The following ST6GAL1 variants were observed in gnomAD, a reference collection of about 807,000 sequenced individuals.
ST6GAL1 encodes the protein beta-galactoside alpha-2,6-sialyltransferase 1.
A neutral mutation model predicts 38.0 loss-of-function variants in ST6GAL1; 20 were observed. The observed-to-expected ratio is 0.53, with a 90% confidence interval of 0.37 to 0.77. ST6GAL1 has a LOEUF of 0.77. ST6GAL1 is among the 30% of genes least tolerant of loss of function. The pLI is 0.00. For synonymous variants in ST6GAL1, 196 were observed against 188.2 expected, an observed-to-expected ratio of 1.04 and a Z score of -0.34; for missense variants, 432 against 496.4, an observed-to-expected ratio of 0.87 and a Z score of 1.23.
At chr3:186,956,428 T>C (rs1714752625) in intron 1 of ST6GAL1, among the ~76,000 whole-genome samples, 1 of 152,114 alleles carries the variant, frequency 6.6e-6, no homozygotes, top group Non-Finnish European at 1.5e-5. Flanking sequence ...AGGAACATGC[T>C]CAGTTTTAAG....
intron 2 of ST6GAL1, among the ~76,000 whole-genome samples, chr3:186,999,272 G>C (rs1716529863): frequency 1.3e-5 from 2 of 152,236 alleles, no homozygotes; most frequent in South Asian, 4.1e-4. Flanking sequence ...AGGTGATAAT[G>C]CATAGGAACA....
chr3:187,003,021 G>A (rs555636428), intron 2 of ST6GAL1, among the ~76,000 whole-genome samples: 1 of 152,340 alleles, frequency 6.6e-6, no homozygotes, highest in South Asian at 2.1e-4. Context: ...GACTGGCAAG[G>A]TGGAGGCCCA....
intron 5 of ST6GAL1, among the ~76,000 whole-genome samples, chr3:187,070,424 C>A (rs1719321992): frequency 1.0e-5 from 1 of 99,124 alleles, no homozygotes; most frequent in Non-Finnish European, 1.9e-5. Context: ...AACACTTGCT[C>A]TTTTTTTTTT....
At position 187,045,290 on chromosome 3, in the gene ST6GAL1, CT is replaced by C. The variant is rs4012167; in HGVS notation, c.607+1992del. 1.5e-3 allele frequency among the ~76,000 whole-genome samples: 220 copies of C among 146,636 alleles called. 1 individual carries two copies. The highest frequency in any genetic ancestry group is 2.1e-3 in the African/African-American group (85 of 40,190). On this transcript the variant is annotated intron_variant, in intron 4 of 7. Transcript: ENST00000169298. The stretch of plus-strand genomic sequence containing the variant: ...GACACGAGTAAGAGACATTTTATGA[CT>C]TTTTTTTTTTTGTCCATAGCAAGAT...
At chr3:186,948,500 G>A (rs1714456070) in intron 1 of ST6GAL1, among the ~76,000 whole-genome samples, 1 of 151,596 alleles carries the variant, frequency 6.6e-6, no homozygotes, top group African/African-American at 2.4e-5. Flanking sequence ...GCTGGGGCCT[G>A]GTATGCTCTT....
intron 2 of ST6GAL1, among the ~76,000 whole-genome samples, chr3:187,024,328 C>T (rs533819063): frequency 2.6e-4 from 39 of 151,458 alleles, no homozygotes; most frequent in Non-Finnish European, 2.5e-4. Flanking sequence ...CTCCTGACCT[C>T]GTGATCTGCC....
intron 2 of ST6GAL1, among the ~76,000 whole-genome samples, chr3:187,025,883 C>T (rs949385937): frequency 6.6e-5 from 10 of 152,162 alleles, no homozygotes; most frequent in Admixed American, 5.9e-4. Flanking sequence ...GGGAAATGTA[C>T]TCAGGGAAAT....
chr3:187,021,522 C>T lies in ST6GAL1; in HGVS notation c.-182-17220C>T, dbSNP rs572968371. Among the ~76,000 whole-genome samples the T allele has an allele frequency of 4.6e-5, 7 of 151,852 alleles. No homozygotes were observed. In the South Asian group the frequency reaches 8.3e-4, roughly 18 times the overall value. On this transcript the variant is annotated intron_variant, in intron 2 of 7. Coordinates refer to ENST00000169298, the MANE Select transcript of ST6GAL1 (RefSeq NM_173216.2). ...TGGGAGGCCGAGGTGGGTGGATCACCTGAAGTCAGGAGTTCGAGACCAGCC... is the reference window on the plus strand; with the variant it reads ...TGGGAGGCCGAGGTGGGTGGATCACTTGAAGTCAGGAGTTCGAGACCAGCC...
At chr3:187,030,352 G>A (rs1330122343) in intron 2 of ST6GAL1, among the ~76,000 whole-genome samples, 1 of 152,178 alleles carries the variant, frequency 6.6e-6, no homozygotes, top group Non-Finnish European at 1.5e-5. Flanking sequence ...ACTTGCTAGA[G>A]GCAACAAGTG....
chr3:187,014,159 GCTTTTGCACACAT>G, intron 2 of ST6GAL1, among the ~76,000 whole-genome samples: 1 of 152,196 alleles, frequency 6.6e-6, no homozygotes, highest in East Asian at 1.9e-4. Flanking sequence ...TGAAGTAGGT[GCTTTTGCACACAT>G]TTTACAGATG....
At chr3:187,012,263 T>C (rs1202147335) in intron 2 of ST6GAL1, among the ~76,000 whole-genome samples, 1 of 144,764 alleles carries the variant, frequency 6.9e-6, no homozygotes, top group African/African-American at 2.6e-5. Flanking sequence ...TTTCATTTTT[T>C]TTTTCTTTTT....
intron 4 of ST6GAL1, among the ~76,000 whole-genome samples, chr3:187,047,029 T>C (rs1683940098): frequency 6.6e-6 from 1 of 152,218 alleles, no homozygotes; most frequent in Non-Finnish European, 1.5e-5. Flanking sequence ...CACTGCAAGC[T>C]CCGCCTCCCA....
intron 2 of ST6GAL1, among the ~76,000 whole-genome samples, chr3:186,997,327 A>G (rs937263914): frequency 6.6e-6 from 1 of 152,166 alleles, no homozygotes; most frequent in Non-Finnish European, 1.5e-5. Context: ...ATGACATGCT[A>G]AAGGTCATCT....
At chr3:186,942,145 A>G (rs901975578) in intron 1 of ST6GAL1, among the ~76,000 whole-genome samples, 1 of 152,226 alleles carries the variant, frequency 6.6e-6, no homozygotes, top group African/African-American at 2.4e-5. Context: ...AGAAGCAGAA[A>G]GGTGCAAACT....
At chr3:186,982,830 C>T (rs1258509162) in intron 2 of ST6GAL1, among the ~76,000 whole-genome samples, 3 of 126,752 alleles carry the variant, frequency 2.4e-5, no homozygotes, top group African/African-American at 9.1e-5. Flanking sequence ...TACAGTCGCC[C>T]GCCACCATGC....
intron 2 of ST6GAL1, among the ~76,000 whole-genome samples, chr3:187,024,096 T>A (rs893850578): frequency 1.3e-5 from 2 of 151,334 alleles, no homozygotes; most frequent in Admixed American, 1.3e-4. Flanking sequence ...CATGTTTTGC[T>A]TGTTTGTTTG....
intron 2 of ST6GAL1, among the ~76,000 whole-genome samples, chr3:186,984,850 T>C: frequency 1.7e-5 from 2 of 118,168 alleles, no homozygotes; most frequent in African/African-American, 3.3e-5. Flanking sequence ...CCTCCCTCCT[T>C]CCTTCCTTCC....
rs752587119 is a variant in ST6GAL1 at position 187,074,202 on chromosome 3, C to T, written c.848C>T (p.Thr283Ile). ...TATAATTTCTTTAACAACTACAAGA[C>T]TTATCGTAAGCTGCACCCCAATCAG... is the stretch of plus-strand genomic sequence containing the variant. ...PDYNFFNNYK[T>I]YRKLHPNQPF... is the part of the protein sequence containing the mutation. Residue 283 changes from threonine (T) to isoleucine (I), a missense_variant, in exon 7 of 8, where the codon ACT (threonine) becomes ATT (isoleucine). Transcript: ENST00000169298. 3.7e-6 allele frequency: 6 copies of T among 1,612,122 alleles called. No homozygotes were observed. The highest frequency in any genetic ancestry group is 1.3e-5 in the African/African-American group (1 of 74,858).
chr3:186,995,697 A>G (rs1271127828), intron 2 of ST6GAL1, among the ~76,000 whole-genome samples: 4 of 151,492 alleles, frequency 2.6e-5, no homozygotes, highest in South Asian at 2.1e-4. Context: ...TACAAAAATT[A>G]GCCGGGTATG....
Sources: allele counts gnomAD v4.1 joint callset (sites outside exome capture counted in the v4.1 genomes callset), GRCh38; gene constraint gnomAD v4.1.1; transcripts MANE v1.5; gene names NCBI Gene and HGNC (gene_info 2026-07-23, HGNC 2026-07-21).